Variants in PDE8B observed in about 807,000 individuals in gnomAD.
PDE8B encodes phosphodiesterase 8B.
A neutral mutation model predicts 101.3 loss-of-function variants in PDE8B; 26 were observed. The ratio of observed to expected loss-of-function variants is 0.26; its 90% CI spans 0.19 to 0.36. The LOEUF (loss-of-function observed/expected upper bound fraction) is 0.36, where lower values mean the gene tolerates loss of function less well. Among genes scored for constraint, PDE8B ranks in the 10% least tolerant of loss-of-function variants. The pLI, the probability that PDE8B is intolerant of heterozygous loss-of-function variation, is 1.00. For missense variants in PDE8B, 810 were observed against 1,163.1 expected, an observed-to-expected ratio of 0.70 and a Z score of 4.42; for synonymous variants, 424 against 429.3, an observed-to-expected ratio of 0.99 and a Z score of 0.15.
At chr5:77,129,081 G>GT in the PDE8B span, among the ~76,000 whole-genome samples, 1 of 152,040 alleles carries the variant, frequency 6.6e-6, no homozygotes, top group East Asian at 1.9e-4. Context: ...TATTAGGTCT[G>GT]TAATCTTTTG....
At chr5:77,224,973 T>TG (rs34156142) in intron 1 of PDE8B, among the ~76,000 whole-genome samples, 3 of 151,864 alleles carry the variant, frequency 2.0e-5, no homozygotes, top group Non-Finnish European at 4.4e-5. Context: ...CTTTTTTTTT[T>TG]GGGGAAGACT....
At chr5:77,195,988 T>A in the PDE8B span, among the ~76,000 whole-genome samples, 6 of 152,174 alleles carry the variant, frequency 3.9e-5, no homozygotes, top group East Asian at 1.2e-3. Context: ...TTCAATTCAT[T>A]GGAGTTTTGA....
At chr5:77,141,346 G>T in the PDE8B span, 1 of 152,136 alleles carries the variant, frequency 6.6e-6, no homozygotes, top group African/African-American at 2.4e-5. Flanking sequence ...TACATTTTCT[G>T]GTGCTCATTT....
At chr5:77,328,936 A>G in intron 3 of PDE8B, 62 bp from the exon 4 acceptor site, 1 of 1,243,798 alleles carries the variant, frequency 8.0e-7, no homozygotes, top group Non-Finnish European at 1.2e-6. Flanking sequence ...AAGAAGTTCC[A>G]CATTCATTTA....
chr5:77,358,129 T>G (rs1369675387), intron 10 of PDE8B, among the ~76,000 whole-genome samples: 1 of 152,246 alleles, frequency 6.6e-6, no homozygotes, highest in Non-Finnish European at 1.5e-5. Context: ...TGGCAAACCA[T>G]GATCCTTAGC....
At chr5:77,349,670 AGTG>A in intron 8 of PDE8B, 111 bp downstream of exon 8, 1 of 1,226,044 alleles carries the variant, frequency 8.2e-7, no homozygotes, top group Non-Finnish European at 1.2e-6. Flanking sequence ...GTCATAATTA[AGTG>A]AAAGATCTAT....
At chr5:77,120,844 C>T in the PDE8B span, among the ~76,000 whole-genome samples, 1 of 152,224 alleles carries the variant, frequency 6.6e-6, no homozygotes, top group Non-Finnish European at 1.5e-5. Context: ...TGGCTTCTTT[C>T]TCCTTGTGTC....
intron 1 of PDE8B, among the ~76,000 whole-genome samples, chr5:77,305,479 G>T (rs1770990809): frequency 6.6e-6 from 1 of 152,156 alleles, no homozygotes; most frequent in Non-Finnish European, 1.5e-5. Flanking sequence ...GGGGACAGAA[G>T]GAAGAGAGTG....
chr5:77,130,235 G>A, the PDE8B span, among the ~76,000 whole-genome samples: 1 of 152,212 alleles, frequency 6.6e-6, no homozygotes, highest in East Asian at 1.9e-4. Context: ...GGGAGGCAGA[G>A]TAGCTATCTG....
chr5:77,343,705 A>T (rs1779629180), intron 6 of PDE8B, among the ~76,000 whole-genome samples: 1 of 152,144 alleles, frequency 6.6e-6, no homozygotes, highest in African/African-American at 2.4e-5. Flanking sequence ...CTTCAATAGT[A>T]AATTAGCCTT....
At chr5:77,403,396 A>G (rs1792728584) in intron 11 of PDE8B, among the ~76,000 whole-genome samples, 1 of 152,178 alleles carries the variant, frequency 6.6e-6, no homozygotes, top group African/African-American at 2.4e-5. Context: ...GATGAAATCC[A>G]TCCTTAAAGA....
intron 10 of PDE8B, among the ~76,000 whole-genome samples, chr5:77,386,113 C>T (rs1225412620): frequency 6.6e-6 from 1 of 152,136 alleles, no homozygotes; most frequent in Non-Finnish European, 1.5e-5. Context: ...ATCCTGAGTT[C>T]TAATTTCATT....
intron 10 of PDE8B, among the ~76,000 whole-genome samples, chr5:77,398,316 T>G (rs896697688): frequency 5.6e-5 from 7 of 124,254 alleles, no homozygotes; most frequent in African/African-American, 8.8e-5. Context: ...CAAGCTGTTT[T>G]ACTTTTTTTT....
At position 77,349,567 on chromosome 5, in the gene PDE8B, ACAC is replaced by A; in HGVS notation, c.1017+11_1017+13del. On this transcript the variant is annotated intron_variant, in intron 8 of 21. Coordinates refer to ENST00000264917, the MANE Select transcript of PDE8B (RefSeq NM_003719.5). Reference sequence around the variant, plus strand: ...TGCATCAAGAAGGGAAAGGTGGGTTACACCAGCAAAACCAATCCACGAACCCTC... The same window carrying A: ...TGCATCAAGAAGGGAAAGGTGGGTTACAGCAAAACCAATCCACGAACCCTC... 3.7e-6 allele frequency: 6 copies of A among 1,614,192 alleles called. No homozygotes were observed. The highest frequency in any genetic ancestry group is 5.1e-6 in the Non-Finnish European group (6 of 1,180,012).
chr5:77,294,285 A>AGCTG (rs1162534672), intron 1 of PDE8B, among the ~76,000 whole-genome samples: 1 of 152,222 alleles, frequency 6.6e-6, no homozygotes. Flanking sequence ...AGGAGGAAGC[A>AGCTG]GCTGGCAGAC....
rs1748367841 is a variant in PDE8B, at chr5:77,211,401, CT to C, written c.339+141del. 2.1e-5 allele frequency: 17 copies of C among 797,398 alleles called. No homozygotes were observed. The East Asian group carries it at 5.2e-4, about 25-fold the overall frequency. 49.4% of individuals were successfully genotyped at this position (797,398 alleles called of 1,614,324 possible). ...GAGGTTGTCACTAAGGAGGAGTTTA[CT>C]TTTCATTTGTGGAGATGATGGGAGC... On this transcript the variant is annotated intron_variant, in intron 1 of 21. Transcript: ENST00000264917. The surrounding 1 kb of genome is among the most constrained non-coding windows in gnomAD (Gnocchi z 4.1).
the PDE8B span, among the ~76,000 whole-genome samples, chr5:77,109,495 G>A: frequency 6.6e-6 from 1 of 152,182 alleles, no homozygotes; most frequent in African/African-American, 2.4e-5. Context: ...CATTCCCAAG[G>A]CTATGGGATC....
intron 1 of PDE8B, among the ~76,000 whole-genome samples, chr5:77,296,777 G>A (rs1436742388): frequency 1.3e-5 from 2 of 152,108 alleles, no homozygotes; most frequent in African/African-American, 4.8e-5. Flanking sequence ...TGTGCTCTGT[G>A]GGAGTAACTG....
the PDE8B span, among the ~76,000 whole-genome samples, chr5:77,201,653 C>T: frequency 6.6e-6 from 1 of 152,150 alleles, no homozygotes; most frequent in African/African-American, 2.4e-5. Flanking sequence ...GAAATTTTGC[C>T]ATCAGTTTTG....
Sources: allele counts gnomAD v4.1 joint callset (sites outside exome capture counted in the v4.1 genomes callset), GRCh38; gene constraint gnomAD v4.1.1; non-coding constraint Gnocchi (gnomAD v3.1); transcripts MANE v1.5; gene names NCBI Gene and HGNC (gene_info 2026-07-23, HGNC 2026-07-21).